The following TBK1 variants were observed in gnomAD, a reference collection of about 807,000 sequenced individuals.
The protein encoded by TBK1 is serine/threonine-protein kinase TBK1.
Under a neutral mutation model 99.9 loss-of-function variants are expected in TBK1, and 37 were observed. That is an observed-to-expected ratio of 0.37 (90% CI 0.28 to 0.49). TBK1 has a LOEUF of 0.49. Ranked by LOEUF, TBK1 falls within the 20% of genes least tolerant of loss-of-function variation. The pLI, the probability that TBK1 is intolerant of heterozygous loss-of-function variation, is 0.98. For synonymous variants in TBK1, 258 were observed against 279.8 expected, an observed-to-expected ratio of 0.92 and a Z score of 0.78; for missense variants, 644 against 872.5, an observed-to-expected ratio of 0.74 and a Z score of 3.30.
chr12:64,454,437 C>CG (rs1473675888), intron 1 of TBK1, among the ~76,000 whole-genome samples: 1 of 151,596 alleles, frequency 6.6e-6, no homozygotes, highest in Non-Finnish European at 1.5e-5. Context: ...TTAGTAGAGG[C>CG]GGGGTTTCTC....
chr12:64,452,832 C>T (rs1258456999), intron 1 of TBK1: 1 of 152,174 alleles, frequency 6.6e-6, no homozygotes, highest in Non-Finnish European at 1.5e-5. Context: ...ATCTCTATCC[C>T]AAGTATTCTT....
At chr12:64,463,415 G>A (rs1231165571) in intron 3 of TBK1, among the ~76,000 whole-genome samples, 4 of 150,538 alleles carry the variant, frequency 2.7e-5, no homozygotes, top group African/African-American at 7.3e-5. Flanking sequence ...AGAAATTCAA[G>A]TGACTGGGTG....
chr12:64,482,404 A>G (rs758278824), intron 8 of TBK1, among the ~76,000 whole-genome samples: 4 of 152,306 alleles, frequency 2.6e-5, no homozygotes, highest in Middle Eastern at 3.4e-3. Context: ...TAGCATGGTT[A>G]TTTGCCTATG....
chr12:64,474,331 A>G lies in TBK1; in HGVS notation c.642A>G (p.Ala214=). 2 of 1,614,120 alleles carry G rather than the reference A, an allele frequency of 1.2e-6. No individual in the cohort carries two copies. The highest frequency in any genetic ancestry group is 1.7e-6 in the Non-Finnish European group (2 of 1,180,020). The change falls in exon 6 of 21, where the codon GCA becomes GCG. Residue 214 remains alanine (A), a synonymous_variant. Transcript: ENST00000331710. ...GCATTGGGGTAACATTTTACCATGC[A>G]GCTACTGGATCACTGCCATTTAGAC... ...LWSIGVTFYH[A]ATGSLPFRPF...
chr12:64,460,176 C>G lies in TBK1; in HGVS notation c.88-13C>G, dbSNP rs1445476092. The G allele has an allele frequency of 2.8e-6, 4 of 1,454,284 alleles. No homozygotes were observed. The allele number at this position is 1,454,284 out of a possible 1,614,324, so 90.1% of individuals were successfully genotyped here. On this transcript the variant is annotated splice_polypyrimidine_tract_variant and intron_variant, in intron 2 of 20. Coordinates refer to ENST00000331710, the MANE Select transcript of TBK1 (RefSeq NM_013254.4). Reference sequence around the variant, plus strand: ...TTATGAATAAATAAAACATTTCTCTCTCTTTTTTAAAGAAAACTGGTGATT... The same window carrying G: ...TTATGAATAAATAAAACATTTCTCTGTCTTTTTTAAAGAAAACTGGTGATT...
In TBK1 at chr12:64,497,404, T is replaced by C. The variant is rs551266731; in HGVS notation, c.1959+145T>C. 4.1e-4 allele frequency: 265 copies of C among 644,406 alleles called. 1 individual carries two copies. Among genetic ancestry groups the C allele is most frequent in the Admixed American group, 1.2e-3 (34 of 27,864 alleles). The allele number at this position is 644,406 out of a possible 1,614,324, so 39.9% of individuals were successfully genotyped here. A position where few individuals can be genotyped will look rare whatever the true frequency, so the allele number is the denominator to read the frequency against. On this transcript the variant is annotated intron_variant, in intron 18 of 20. Coordinates refer to ENST00000331710, the MANE Select transcript of TBK1 (RefSeq NM_013254.4). ...TGTATTTTGAGCCAAGTTTTAAGAATGTAGATGTTTTACAACTAAAAACAG... is the reference window on the plus strand; with the variant it reads ...TGTATTTTGAGCCAAGTTTTAAGAACGTAGATGTTTTACAACTAAAAACAG...
At position 64,488,601 on chromosome 12, in the gene TBK1, C is replaced by T. The variant is rs1360780323; in HGVS notation, c.1442+13C>T. On this transcript the variant is annotated intron_variant, in intron 12 of 20. Transcript: ENST00000331710. ...AAACTGTGAAAGTGTGAGTAGACTA[C>T]TTCCTTACTAGTAGGGGTTAAATTA... 1.3e-6 allele frequency: 2 copies of T among 1,511,910 alleles called. No homozygotes were observed. 93.7% of individuals were successfully genotyped at this position (1,511,910 alleles called of 1,614,324 possible).
intron 5 of TBK1, among the ~76,000 whole-genome samples, chr12:64,468,204 A>C (rs1024254857): frequency 6.6e-6 from 1 of 151,950 alleles, no homozygotes; most frequent in Admixed American, 6.6e-5. Context: ...TTTTAAAAAA[A>C]GGTACCTGGC....
At chr12:64,456,734 CG>C (rs1159938464) in intron 2 of TBK1, among the ~76,000 whole-genome samples, 1 of 151,074 alleles carries the variant, frequency 6.6e-6, no homozygotes, top group Non-Finnish European at 1.5e-5. Context: ...CCCAGCTACT[CG>C]GGAGGCTGAG....
intron 6 of TBK1, among the ~76,000 whole-genome samples, chr12:64,474,770 A>G (rs2040695527): frequency 6.6e-6 from 1 of 152,214 alleles, no homozygotes; most frequent in African/African-American, 2.4e-5. Context: ...TACCAGATCT[A>G]AAACAAACAT....
At chr12:64,488,809 T>G (rs1313249251) in intron 12 of TBK1, among the ~76,000 whole-genome samples, 2 of 152,144 alleles carry the variant, frequency 1.3e-5, no homozygotes, top group Non-Finnish European at 2.9e-5. Context: ...CTAGCCAACA[T>G]GGTGAAACTC....
intron 11 of TBK1, among the ~76,000 whole-genome samples, chr12:64,487,060 C>A (rs538621566): frequency 6.6e-6 from 1 of 152,198 alleles, no homozygotes; most frequent in East Asian, 1.9e-4. Flanking sequence ...AACTGGTTAT[C>A]TAGTTTAAGT....
At chr12:64,456,948 T>C (rs2040495926) in intron 2 of TBK1, among the ~76,000 whole-genome samples, 3 of 152,102 alleles carry the variant, frequency 2.0e-5, no homozygotes, top group Admixed American at 2.0e-4. Flanking sequence ...CTTTCTATTC[T>C]GGGAAAAAGC....
chr12:64,489,021 A>T (rs796243527), intron 12 of TBK1, among the ~76,000 whole-genome samples: 2 of 152,312 alleles, frequency 1.3e-5, no homozygotes, highest in African/African-American at 4.8e-5. Flanking sequence ...GATCAGCCTT[A>T]GATTAGTGAT....
chr12:64,486,060 C>A, intron 11 of TBK1, 43 bp downstream of exon 11: 1 of 1,362,542 alleles, frequency 7.3e-7, no homozygotes, highest in Non-Finnish European at 1.0e-6. Flanking sequence ...TTCATGTAGA[C>A]CTTGCCCCAT....
chr12:64,482,242 CTG>C (rs1373161772), intron 8 of TBK1, among the ~76,000 whole-genome samples: 1 of 152,114 alleles, frequency 6.6e-6, no homozygotes, highest in Non-Finnish European at 1.5e-5. Context: ...GTTTCTTAAA[CTG>C]TAAGTTTTAC....
At position 64,467,007 on chromosome 12, in the gene TBK1, C is replaced by CA. The variant is rs1565814541; in HGVS notation, c.466dup (p.Thr156AsnfsTer7). 6.2e-7 allele frequency: 1 copy of CA among 1,611,844 alleles called. No homozygotes were observed. The highest frequency in any genetic ancestry group is 1.3e-5 in the African/African-American group (1 of 74,778). On this transcript the variant is annotated frameshift_variant, in exon 5 of 21. Transcript: ENST00000331710. LOFTEE classifies it high-confidence loss of function. Reference sequence around the variant, plus strand: ...AAGATGGACAGTCTGTGTACAAACTCACAGATTTTGGTGCAGCTAGAGAAT... The same window carrying CA: ...AAGATGGACAGTCTGTGTACAAACTCAACAGATTTTGGTGCAGCTAGAGAAT...
rs753131215 is a variant in TBK1 at position 64,460,170 on chromosome 12, TTCTC to T, written c.88-13_88-10del. 7.0e-7 allele frequency: 1 copy of T among 1,426,664 alleles called. No homozygotes were observed. The highest frequency in any genetic ancestry group is 9.4e-7 in the Non-Finnish European group (1 of 1,060,540). The allele number at this position is 1,426,664 out of a possible 1,614,324, so 88.4% of individuals were successfully genotyped here. On this transcript the variant is annotated splice_polypyrimidine_tract_variant and intron_variant, in intron 2 of 20. Transcript: ENST00000331710. ...ACAATATTATGAATAAATAAAACAT[TTCTC>T]TCTCTTTTTTAAAGAAAACTGGTGA...
At chr12:64,461,828 T>C (rs993642234) in intron 3 of TBK1, among the ~76,000 whole-genome samples, 4 of 152,198 alleles carry the variant, frequency 2.6e-5, no homozygotes, top group Non-Finnish European at 4.4e-5. Context: ...GCTATACTTA[T>C]AATTACAGTT....
Sources: allele counts gnomAD v4.1 joint callset (sites outside exome capture counted in the v4.1 genomes callset), GRCh38; gene constraint gnomAD v4.1.1; transcripts MANE v1.5; gene names NCBI Gene and HGNC (gene_info 2026-07-23, HGNC 2026-07-21).